TMEM178A: variants seen among roughly 807,000 people sequenced by gnomAD.
TMEM178A encodes the protein transmembrane protein 178A.
Under a neutral mutation model 29.1 loss-of-function variants are expected in TMEM178A, and 12 were observed. The ratio of observed to expected loss-of-function variants is 0.41; its 90% CI spans 0.26 to 0.67. The LOEUF (loss-of-function observed/expected upper bound fraction) is 0.67. Among genes scored for constraint, TMEM178A ranks in the 30% least tolerant of loss-of-function variants. The pLI is 0.29. For missense variants in TMEM178A, 366 were observed against 419.1 expected (o/e 0.87, Z 1.11); for synonymous variants, 210 against 187.2 (o/e 1.12, Z -0.99).
rs766451293 is a variant in TMEM178A, at chr2:39,704,132, G to C, written c.452G>C (p.Arg151Pro). 6.2e-7 allele frequency: 1 copy of C among 1,614,088 alleles called. No homozygotes were observed. The highest frequency in any genetic ancestry group is 8.5e-7 in the Non-Finnish European group (1 of 1,180,002). ...AAGTACCACTTTTCTCAGCCCATCC[G>C]CTTGCGAAACATTCCTTTTAATTTA... ...AIKYHFSQPI[R>P]LRNIPFNLTK... The change falls in exon 2 of 4, where the codon CGC becomes CCC. Residue 151 changes from arginine to proline, a missense_variant. Transcript: ENST00000281961.
intron 1 of TMEM178A, among the ~76,000 whole-genome samples, chr2:39,671,176 A>G (rs901821223): frequency 3.9e-5 from 6 of 152,218 alleles, no homozygotes; most frequent in African/African-American, 9.6e-5. Context: ...TTTGTTCTCT[A>G]TAAGAAAAGC....
intron 1 of TMEM178A, among the ~76,000 whole-genome samples, chr2:39,702,926 G>A (rs1671855561): frequency 6.6e-6 from 1 of 152,130 alleles, no homozygotes; most frequent in South Asian, 2.1e-4. Flanking sequence ...AGCCACCTAG[G>A]TGATTCTGAT....
chr2:39,667,674 A>G (rs1670231001), intron 1 of TMEM178A, among the ~76,000 whole-genome samples: 1 of 152,162 alleles, frequency 6.6e-6, no homozygotes, highest in African/African-American at 2.4e-5. Context: ...AAACATGTCA[A>G]CTTCCTCCTT....
At chr2:39,683,565 G>T (rs1046880517) in intron 1 of TMEM178A, among the ~76,000 whole-genome samples, 5 of 152,136 alleles carry the variant, frequency 3.3e-5, no homozygotes, top group African/African-American at 1.2e-4. Flanking sequence ...TCTAATATAT[G>T]CAGCTGTAAT....
the TMEM178A span, among the ~76,000 whole-genome samples, chr2:39,734,585 A>AAC: frequency 1.3e-5 from 2 of 152,232 alleles, no homozygotes; most frequent in Non-Finnish European, 2.9e-5. Flanking sequence ...TTGCCTAATC[A>AAC]ACATCTCCAC....
chr2:39,705,686 G>C (rs1349287747), intron 2 of TMEM178A, among the ~76,000 whole-genome samples: 1 of 152,214 alleles, frequency 6.6e-6, no homozygotes, highest in Non-Finnish European at 1.5e-5. Flanking sequence ...CTAAGAGCAA[G>C]ACTGGAAGCT....
chr2:39,718,739 C>A (rs1245057541), downstream of TMEM178A, among the ~76,000 whole-genome samples: 1 of 151,828 alleles, frequency 6.6e-6, no homozygotes, highest in Non-Finnish European at 1.5e-5. Context: ...AGTTAAAATT[C>A]TTCCGTTGTG....
At chr2:39,715,998 G>A (rs2540230) in intron 3 of TMEM178A, among the ~76,000 whole-genome samples, 3,613 of 152,244 alleles carry the variant, frequency 0.024, 157 homozygotes, top group African/African-American at 0.083. Flanking sequence ...GAGATGCTAC[G>A]TGTATCCCTA....
chr2:39,715,318 T>G (rs776751835), intron 3 of TMEM178A, among the ~76,000 whole-genome samples: 4 of 152,272 alleles, frequency 2.6e-5, no homozygotes, highest in Non-Finnish European at 5.9e-5. Flanking sequence ...CTCCAAAGAT[T>G]ATTTTTTCTA....
intron 1 of TMEM178A, among the ~76,000 whole-genome samples, chr2:39,679,952 G>A (rs1670797369): frequency 6.6e-6 from 1 of 152,030 alleles, no homozygotes; most frequent in Non-Finnish European, 1.5e-5. Context: ...AATCACGTGG[G>A]GTGTGAGGGT....
intron 1 of TMEM178A, among the ~76,000 whole-genome samples, chr2:39,687,085 C>T (rs1029215956): frequency 6.6e-6 from 1 of 151,614 alleles, no homozygotes; most frequent in Non-Finnish European, 1.5e-5. Flanking sequence ...CTCACCCTCT[C>T]CTTCTTGTCC....
intron 1 of TMEM178A, among the ~76,000 whole-genome samples, chr2:39,673,505 A>G (rs773080287): frequency 2.0e-5 from 3 of 152,230 alleles, no homozygotes; most frequent in Admixed American, 6.5e-5. Flanking sequence ...TTTTTCCCCT[A>G]AGAACCTAAA....
intron 3 of TMEM178A, among the ~76,000 whole-genome samples, chr2:39,708,983 G>A (rs895714204): frequency 6.6e-6 from 1 of 152,156 alleles, no homozygotes; most frequent in East Asian, 1.9e-4. Context: ...AATATTCCCC[G>A]AGATAGATAG....
chr2:39,732,397 A>G, the TMEM178A span, among the ~76,000 whole-genome samples: 1 of 152,164 alleles, frequency 6.6e-6, no homozygotes, highest in Non-Finnish European at 1.5e-5. Context: ...CCTGCAGCTC[A>G]TGAGTGCCGT....
At chr2:39,722,653 T>C (rs140933689), downstream of TMEM178A, among the ~76,000 whole-genome samples, 7 of 152,298 alleles carry the variant, frequency 4.6e-5, no homozygotes, top group East Asian at 1.4e-3. Flanking sequence ...AGATGTCACA[T>C]ACTGGCCAAC....
At chr2:39,701,639 T>A (rs1275155838) in intron 1 of TMEM178A, among the ~76,000 whole-genome samples, 1 of 152,074 alleles carries the variant, frequency 6.6e-6, no homozygotes, top group Non-Finnish European at 1.5e-5. Context: ...TCTTTTTTGA[T>A]CCTCCTTCTC....
At chr2:39,686,454 G>T (rs748488930) in intron 1 of TMEM178A, among the ~76,000 whole-genome samples, 1 of 152,024 alleles carries the variant, frequency 6.6e-6, no homozygotes, top group African/African-American at 2.4e-5. Flanking sequence ...CAGAAACTTG[G>T]AACAGCCCCA....
intron 1 of TMEM178A, among the ~76,000 whole-genome samples, chr2:39,672,711 C>CA (rs1401467451): frequency 6.6e-6 from 1 of 151,812 alleles, no homozygotes; most frequent in African/African-American, 2.4e-5. Flanking sequence ...AAAAAAAAAA[C>CA]AACTTTGTAG....
At chr2:39,676,691 T>C (rs985149647) in intron 1 of TMEM178A, among the ~76,000 whole-genome samples, 1 of 152,184 alleles carries the variant, frequency 6.6e-6, no homozygotes, top group Non-Finnish European at 1.5e-5. Flanking sequence ...AATCTGGCTT[T>C]GGTCAGCCAC....
Sources: gnomAD v4.1 joint callset for allele counts (sites outside exome capture counted in the v4.1 genomes callset) on GRCh38, gnomAD v4.1.1 for gene constraint, MANE v1.5 for transcripts, NCBI Gene and HGNC (gene_info 2026-07-23, HGNC 2026-07-21) for gene names.